The following MAX variants were observed in gnomAD, a reference collection of about 807,000 sequenced individuals.
MAX encodes protein max.
MAX carries 3 observed loss-of-function variants against 22.3 expected under a neutral mutation model. The observed-to-expected ratio is 0.13, with a 90% CI of 0.06 to 0.35. The LOEUF is 0.35. Among genes scored for constraint, MAX ranks in the 10% least tolerant of loss-of-function variants. The pLI is 1.00. For missense variants in MAX, 119 were observed against 209.4 expected (o/e 0.57, Z 2.66); for synonymous variants, 72 against 77.7 (o/e 0.93, Z 0.39).
At chr14:65,034,006 A>G (rs951329651) in intron 3 of MAX, among the ~76,000 whole-genome samples, 14 of 152,232 alleles carry the variant, frequency 9.2e-5, no homozygotes, top group Non-Finnish European at 1.8e-4. Flanking sequence ...ACCAGATGAT[A>G]TGCTGAGATC....
rs968992246 is a variant in MAX at position 65,030,460 on chromosome 14, G to A, written c.172-24176C>T. On this transcript the variant is annotated intron_variant, in intron 3 of 3. Transcript: ENST00000341653. This position sits in a 1 kb window ranked among gnomAD's most constrained non-coding sequence, Gnocchi z 4.5. ...ACTGAGTAAGATGGAAACCAGGGCC[G>A]AGCGGCAGTGGCTCATGTCTGTAAT... 9.9e-5 allele frequency among the ~76,000 whole-genome samples: 15 copies of A among 152,264 alleles called. No individual in the cohort carries two copies. The highest frequency in any genetic ancestry group is 9.1e-4 in the Admixed American group (14 of 15,306).
chr14:65,059,331 C>A (rs957575050), intron 3 of MAX, among the ~76,000 whole-genome samples: 5 of 151,894 alleles, frequency 3.3e-5, no homozygotes, highest in Middle Eastern at 3.4e-3. Context: ...CCGCACTAGC[C>A]CCTTTTTTTT....
Position 65,044,409 on chromosome 14 carries a change from C to T in MAX, c.172-38125G>A. On this transcript the variant is annotated intron_variant, in intron 3 of 3. Transcript: ENST00000341653. The surrounding 1 kb of genome is among the most constrained non-coding windows in gnomAD (Gnocchi z 5.5). ...GCTACTCCTTCTGGCAGGCGGGGCT[C>T]CTGCCCCTGCTCCACCGCGCACTGC... The T allele has an allele frequency of 6.2e-7, 1 of 1,613,228 alleles. No homozygotes were observed. Among genetic ancestry groups the T allele is most frequent in the Non-Finnish European group, 8.5e-7 (1 of 1,179,692 alleles).
In MAX at chr14:65,061,125, TTA is replaced by T. The variant is rs908354048; in HGVS notation, c.171+32581_171+32582del. 12 of 1,601,244 alleles carry T rather than the reference TTA, an allele frequency of 7.5e-6. No individual in the cohort carries two copies. The South Asian group carries it at 1.2e-4, about 16-fold the overall frequency. ...TGCCTTTCATGGAGCAAAGGATGTGTTATGTTTTCAAGGACCACCGGGGTGAT... is the reference window on the plus strand; with the variant it reads ...TGCCTTTCATGGAGCAAAGGATGTGTTGTTTTCAAGGACCACCGGGGTGAT... On this transcript the variant is annotated intron_variant, in intron 3 of 3. Coordinates refer to the MAX transcript ENST00000341653.
rs1385944100 is a variant in MAX, at chr14:65,023,181, C to G, written c.172-16897G>C. Among the ~76,000 whole-genome samples, 4 of 152,138 alleles carry G rather than the reference C, an allele frequency of 2.6e-5. No individual in the cohort carries two copies. In the East Asian group the frequency reaches 5.8e-4, roughly 22 times the overall value. ...TCAAGTGATCCTCCCACCTCAGCCT[C>G]CTGAGTAGCTGGGGCTAGAGGTGGG... On this transcript the variant is annotated intron_variant, in intron 3 of 3. Coordinates refer to the MAX transcript ENST00000341653. The surrounding 1 kb of genome is among the most constrained non-coding windows in gnomAD (Gnocchi z 4.1).
chr14:65,099,243 C>A (rs987102013), intron 2 of MAX, among the ~76,000 whole-genome samples: 2 of 152,070 alleles, frequency 1.3e-5, no homozygotes, highest in Non-Finnish European at 2.9e-5. Context: ...TCTCTCCATG[C>A]TGTTGTAATT....
intron 3 of MAX, among the ~76,000 whole-genome samples, chr14:65,043,826 C>T (rs2062409042): frequency 2.1e-5 from 1 of 48,090 alleles, no homozygotes. Context: ...GAGACTCCGT[C>T]TCAAAAAAAA....
intron 3 of MAX, among the ~76,000 whole-genome samples, chr14:65,036,192 T>G (rs886617200): frequency 6.6e-6 from 1 of 152,174 alleles, no homozygotes; most frequent in African/African-American, 2.4e-5. Context: ...TGTCATAGTT[T>G]CCTTATATGT....
chr14:65,087,731 T>C (rs779595727), intron 3 of MAX, among the ~76,000 whole-genome samples: 2 of 152,234 alleles, frequency 1.3e-5, no homozygotes, highest in African/African-American at 2.4e-5. Flanking sequence ...GACTTTGCAC[T>C]GTGGACTTCT....
chr14:65,006,937 T>C (rs896418580), intron 3 of MAX, among the ~76,000 whole-genome samples: 4 of 151,986 alleles, frequency 2.6e-5, no homozygotes, highest in East Asian at 1.9e-4. Context: ...AGGTCAAGTA[T>C]GGGTGGGAAA....
At position 65,054,140 on chromosome 14, in the gene MAX, T is replaced by TCTCAA. The variant is rs2062675642; in HGVS notation, c.171+39567_171+39568insTTGAG. On this transcript the variant is annotated intron_variant, in intron 3 of 3. Transcript: ENST00000341653. The surrounding 1 kb of genome is among the most constrained non-coding windows in gnomAD (Gnocchi z 4.4). ...TGTATTTTACTTTTTTGAGACAGGG[T>TCTCAA]CTCACTCTGTCACCCAGGCTGGAGT... Among the ~76,000 whole-genome samples the TCTCAA allele has an allele frequency of 6.6e-6, 1 of 151,834 alleles. No individual in the cohort carries two copies. The highest frequency in any genetic ancestry group is 1.5e-5 in the Non-Finnish European group (1 of 67,982).
At position 65,088,787 on chromosome 14, in the gene MAX, C is replaced by A. The variant is rs1025701218; in HGVS notation, c.171+4921G>T. ...TTGTAGTGTAGTGCCAGCAGACAGT[C>A]ATTTAATAATCACACAAATATATAT... is the stretch of plus-strand genomic sequence containing the variant. On this transcript the variant is annotated intron_variant, in intron 3 of 4. Transcript: ENST00000358664. The surrounding 1 kb of genome is among the most constrained non-coding windows in gnomAD (Gnocchi z 5.2). Among the ~76,000 whole-genome samples, 1 of 152,146 alleles carries A rather than the reference C, an allele frequency of 6.6e-6. No homozygotes were observed. Among genetic ancestry groups the A allele is most frequent in the African/African-American group, 2.4e-5 (1 of 41,420 alleles).
In MAX at chr14:65,031,982, G is replaced by A. The variant is rs1566557416; in HGVS notation, c.172-25698C>T. On this transcript the variant is annotated intron_variant, in intron 3 of 3. Coordinates refer to the MAX transcript ENST00000341653. The surrounding 1 kb of genome is among the most constrained non-coding windows in gnomAD (Gnocchi z 4.6). ...GACGTGCGCCTTTTTCATTTAACGT[G>A]TGTGTGTGTGTGTGTGTGTGTGTGT... Among the ~76,000 whole-genome samples, 1 of 94,904 alleles carries A rather than the reference G, an allele frequency of 1.1e-5. No homozygotes were observed. Among genetic ancestry groups the A allele is most frequent in the African/African-American group, 5.0e-5 (1 of 19,940 alleles). The allele number at this position is 94,904 out of a possible 152,430, so 62.3% of individuals were successfully genotyped here. A position where few individuals can be genotyped will look rare whatever the true frequency, so the allele number is the denominator to read the frequency against.
rs1595055847 is a variant in MAX, at chr14:65,029,262, T to G, written c.172-22978A>C. ...CTTTGCCTGGTTTCTAGTACCCCGA[T>G]TCCATCATTTTTCACTTGGCATTTC... On this transcript the variant is annotated intron_variant, in intron 3 of 3. Coordinates refer to the MAX transcript ENST00000341653. The surrounding 1 kb of genome is among the most constrained non-coding windows in gnomAD (Gnocchi z 4.7). 6.6e-6 allele frequency among the ~76,000 whole-genome samples: 1 copy of G among 152,334 alleles called. No homozygotes were observed. Among genetic ancestry groups the G allele is most frequent in the East Asian group, 1.9e-4 (1 of 5,186 alleles).
chr14:65,094,111 G>C, intron 2 of MAX: 2 of 402,120 alleles, frequency 5.0e-6, no homozygotes, highest in Non-Finnish European at 9.5e-6. Context: ...TGTAACATCA[G>C]TGGTCCCCCC....
chr14:65,068,700 T>G (rs2062956642), intron 3 of MAX, among the ~76,000 whole-genome samples: 1 of 152,154 alleles, frequency 6.6e-6, no homozygotes, highest in Admixed American at 6.5e-5. Context: ...CTTTCTTACT[T>G]TCAATAATAG....
chr14:65,077,562 C>T lies in MAX; in HGVS notation c.295+351G>A, dbSNP rs373233051. ...GAACACCTGGAGTCTCTGGTACTTA[C>T]ACAGCACATTCCACTCCAAGGACCT... On this transcript the variant is annotated intron_variant, in intron 4 of 4. Coordinates refer to ENST00000358664, the MANE Select transcript of MAX (RefSeq NM_002382.5). This position sits in a 1 kb window ranked among gnomAD's most constrained non-coding sequence, Gnocchi z 6.3. 1 of 921,550 alleles carries T rather than the reference C, an allele frequency of 1.1e-6. No homozygotes were observed. Among genetic ancestry groups the T allele is most frequent in the Non-Finnish European group, 1.8e-6 (1 of 555,026 alleles). The allele number at this position is 921,550 out of a possible 1,614,324, so 57.1% of individuals were successfully genotyped here. A position where few individuals can be genotyped will look rare whatever the true frequency, so the allele number is the denominator to read the frequency against.
Position 65,044,197 on chromosome 14 carries a change from A to G in MAX, c.172-37913T>C, listed in dbSNP as rs1481530009. 1.9e-5 allele frequency: 29 copies of G among 1,567,156 alleles called. No homozygotes were observed. Among genetic ancestry groups the G allele is most frequent in the Non-Finnish European group, 1.4e-5 (16 of 1,153,352 alleles). ...CCAGAGCACCAAAACTAGAGTGCCA[A>G]GAAGCCACAAGATGGGAAACCCTCC... is the stretch of plus-strand genomic sequence containing the variant. On this transcript the variant is annotated intron_variant, in intron 3 of 3. Transcript: ENST00000341653. This position sits in a 1 kb window ranked among gnomAD's most constrained non-coding sequence, Gnocchi z 5.5.
chr14:65,035,390 G>T (rs1364672856), intron 3 of MAX, among the ~76,000 whole-genome samples: 6 of 151,986 alleles, frequency 3.9e-5, no homozygotes, highest in Non-Finnish European at 8.8e-5. Context: ...TTTGTATTTT[G>T]TTCAGTGTAC....
Sources: allele counts gnomAD v4.1 joint callset (sites outside exome capture counted in the v4.1 genomes callset), GRCh38; gene constraint gnomAD v4.1.1; non-coding constraint Gnocchi (gnomAD v3.1); transcripts MANE v1.5; gene names NCBI Gene and HGNC (gene_info 2026-07-23, HGNC 2026-07-21).